The following GRIA1 variants were observed in gnomAD, a reference collection of about 807,000 sequenced individuals.
The protein encoded by GRIA1 is glutamate ionotropic receptor AMPA type subunit 1.
In GRIA1, 31 loss-of-function variants were observed where a neutral mutation model predicts 99.2. The ratio of observed to expected loss-of-function variants is 0.31; its 90% CI spans 0.23 to 0.42. The LOEUF (loss-of-function observed/expected upper bound fraction) is 0.42. Ranked by LOEUF, GRIA1 falls within the 10% of genes least tolerant of loss-of-function variation. The probability of loss-of-function intolerance (pLI) is 1.00; values close to 1 mark genes in which losing one functional copy is unlikely to be tolerated. For missense variants in GRIA1, 782 were observed against 1,157.5 expected, an observed-to-expected ratio of 0.68 and a Z score of 4.71; for synonymous variants, 438 against 432.4, an observed-to-expected ratio of 1.01 and a Z score of -0.16.
At chr5:153,582,666 G>C (rs1384783838) in intron 2 of GRIA1, among the ~76,000 whole-genome samples, 2 of 152,168 alleles carry the variant, frequency 1.3e-5, no homozygotes, top group African/African-American at 4.8e-5. Flanking sequence ...CCAGAAGCTA[G>C]AGTCTGGAAT....
rs559598738 is a variant in GRIA1, at chr5:153,490,759, C to A, written c.-130C>A. The A allele has an allele frequency of 1.2e-5, 9 of 761,178 alleles. No homozygotes were observed. The East Asian group carries it at 2.2e-4, about 19-fold the overall frequency. 47.2% of individuals were successfully genotyped at this position (761,178 alleles called of 1,614,324 possible). On this transcript the variant is annotated 5_prime_UTR_variant, in exon 1 of 16. Coordinates refer to ENST00000285900, the MANE Select transcript of GRIA1 (RefSeq NM_000827.4). The stretch of plus-strand genomic sequence containing the variant: ...GACAAACCTCACGAAAGGAAGGAAG[C>A]AAGCAAGCAAGGAAGGAACTGCAGG...
At chr5:153,506,316 G>GGGGTGTGTGTGTGT (rs1426977118) in intron 2 of GRIA1, among the ~76,000 whole-genome samples, 1 of 140,326 alleles carries the variant, frequency 7.1e-6, no homozygotes, top group Admixed American at 7.1e-5. Flanking sequence ...TGGCAAGAAG[G>GGGGTGTGTGTGTGT]GTGTGTGTGT....
At chr5:153,513,049 T>C (rs1756257161) in intron 2 of GRIA1, among the ~76,000 whole-genome samples, 1 of 152,144 alleles carries the variant, frequency 6.6e-6, no homozygotes, top group Non-Finnish European at 1.5e-5. Context: ...GGCACCATGA[T>C]CTCGCACTTC....
At chr5:153,698,414 TAAG>T (rs1196010294) in intron 9 of GRIA1, among the ~76,000 whole-genome samples, 5 of 152,212 alleles carry the variant, frequency 3.3e-5, no homozygotes, top group Admixed American at 2.6e-4. Context: ...ATTTAAAACA[TAAG>T]AATGACACTA....
At chr5:153,697,407 C>G (rs942444539) in intron 8 of GRIA1, among the ~76,000 whole-genome samples, 1 of 152,096 alleles carries the variant, frequency 6.6e-6, no homozygotes, top group Non-Finnish European at 1.5e-5. Context: ...CTTGAAAGAC[C>G]TTGGAAAATG....
At chr5:153,713,605 A>T (rs1361105203) in intron 11 of GRIA1, among the ~76,000 whole-genome samples, 1 of 152,246 alleles carries the variant, frequency 6.6e-6, no homozygotes, top group African/African-American at 2.4e-5. Flanking sequence ...GAGTGCAGTG[A>T]CAGGAGAATA....
At chr5:153,648,842 C>CG (rs1207790632) in intron 3 of GRIA1, among the ~76,000 whole-genome samples, 1 of 151,734 alleles carries the variant, frequency 6.6e-6, no homozygotes, top group Admixed American at 6.6e-5. Flanking sequence ...AATGACACCC[C>CG]CCCCCAAGAT....
In GRIA1 at chr5:153,811,097, G is replaced by T. The variant is rs752389604; in HGVS notation, c.2593G>T (p.Ala865Ser). The stretch of plus-strand genomic sequence containing the variant: ...ATCGACCCTCCCCCGCAACAGCGGG[G>T]CAGGAGCCAGCAGCGGCGGCAGTGG... ...RTSTLPRNSG[A>S]GASSGGSGEN... The change falls in exon 16 of 16, where the codon GCA (alanine) becomes TCA (serine). Residue 865 changes from alanine (A) to serine (S), a missense_variant. Around this residue, in one of 5 missense-constraint regions of GRIA1, gnomAD observed 76 missense variants for 81.2 expected, o/e 0.94. Coordinates refer to ENST00000285900, the MANE Select transcript of GRIA1 (RefSeq NM_000827.4). 1.9e-6 allele frequency: 3 copies of T among 1,613,964 alleles called. No homozygotes were observed. Among genetic ancestry groups the T allele is most frequent in the Non-Finnish European group, 2.5e-6 (3 of 1,179,930 alleles).
chr5:153,525,398 G>A (rs557559635), intron 2 of GRIA1: 1 of 152,034 alleles, frequency 6.6e-6, no homozygotes, highest in African/African-American at 2.4e-5. Flanking sequence ...ATAATGCTGA[G>A]GTTAAGAAAC....
In GRIA1 at chr5:153,507,564, C is replaced by T. The variant is rs899190168; in HGVS notation, c.220+13499C>T. 2.0e-5 allele frequency among the ~76,000 whole-genome samples: 3 copies of T among 152,190 alleles called. No homozygotes were observed. In the South Asian group the frequency reaches 6.2e-4, roughly 31 times the overall value. On this transcript the variant is annotated intron_variant, in intron 2 of 15. Transcript: ENST00000285900. ...AAATGTGGGTGTCTGGTTTCAACTT[C>T]TCCATATAATCAATATTATGTGTTG... is the stretch of plus-strand genomic sequence containing the variant.
chr5:153,744,147 T>G (rs1761997553), intron 11 of GRIA1, among the ~76,000 whole-genome samples: 2 of 152,266 alleles, frequency 1.3e-5, no homozygotes, highest in East Asian at 3.9e-4. Context: ...GGGAGGGCAT[T>G]CTGAGTGAGG....
At chr5:153,592,454 C>CA (rs2149387603) in intron 2 of GRIA1, among the ~76,000 whole-genome samples, 1 of 152,238 alleles carries the variant, frequency 6.6e-6, no homozygotes, top group Non-Finnish European at 1.5e-5. Context: ...CTTGTATCCT[C>CA]AGTTTCCTCT....
intron 2 of GRIA1, among the ~76,000 whole-genome samples, chr5:153,548,718 A>C (rs570433374): frequency 1.3e-5 from 2 of 152,286 alleles, no homozygotes; most frequent in South Asian, 4.1e-4. Flanking sequence ...GAAAAAGGGG[A>C]ATAGAATCAA....
intron 14 of GRIA1, among the ~76,000 whole-genome samples, chr5:153,797,443 T>C (rs1438446389): frequency 6.6e-6 from 1 of 152,180 alleles, no homozygotes; most frequent in African/African-American, 2.4e-5. Context: ...CTTTTAAAAC[T>C]CTCTTCTGGA....
At chr5:153,742,108 G>GA (rs140908652) in intron 11 of GRIA1, among the ~76,000 whole-genome samples, 10,884 of 151,866 alleles carry the variant, frequency 0.072, 429 homozygotes, top group Non-Finnish European at 0.087. Flanking sequence ...GGAAAGATAC[G>GA]AAAAAAAATA....
intron 2 of GRIA1, among the ~76,000 whole-genome samples, chr5:153,616,615 C>T (rs1388698613): frequency 6.6e-6 from 1 of 152,218 alleles, no homozygotes; most frequent in Non-Finnish European, 1.5e-5. Flanking sequence ...CAATTTTATT[C>T]TCCCAGGGCC....
intron 11 of GRIA1, among the ~76,000 whole-genome samples, chr5:153,746,456 T>A (rs1288833444): frequency 6.6e-6 from 1 of 152,214 alleles, no homozygotes; most frequent in Non-Finnish European, 1.5e-5. Flanking sequence ...CATTTGCTTA[T>A]GGGTCGGGGT....
intron 10 of GRIA1, among the ~76,000 whole-genome samples, chr5:153,701,607 C>T (rs900586318): frequency 7.3e-4 from 26 of 35,802 alleles, no homozygotes; most frequent in African/African-American, 2.3e-3. Flanking sequence ...GGCGACAAAG[C>T]GAGACCCGTC....
intron 2 of GRIA1, among the ~76,000 whole-genome samples, chr5:153,633,073 G>A (rs1753093395): frequency 6.6e-6 from 1 of 152,102 alleles, no homozygotes; most frequent in Non-Finnish European, 1.5e-5. Flanking sequence ...TCAGGTGATT[G>A]GCAAACTGTT....
Sources: gnomAD v4.1 joint callset for allele counts (sites outside exome capture counted in the v4.1 genomes callset) on GRCh38, gnomAD v4.1.1 for gene constraint, gnomAD v4.1.1 regional missense constraint, MANE v1.5 for transcripts, NCBI Gene and HGNC (gene_info 2026-07-23, HGNC 2026-07-21) for gene names.